The following RAB4A variants were observed in gnomAD, a reference collection of about 807,000 sequenced individuals.
The protein encoded by RAB4A is ras-related protein Rab-4A.
Under a neutral mutation model 34.5 loss-of-function variants are expected in RAB4A, and 20 were observed. The observed-to-expected ratio is 0.58, with a 90% CI of 0.41 to 0.84. The LOEUF is 0.84. Ranked by LOEUF, RAB4A falls within the 40% of genes least tolerant of loss-of-function variation. RAB4A has a pLI of 0.00. For synonymous variants in RAB4A, 102 were observed against 100.0 expected (o/e 1.02, Z -0.12); for missense variants, 228 against 274.5 (o/e 0.83, Z 1.20).
chr1:229,278,194 C>T (rs111745340), intron 1 of RAB4A, among the ~76,000 whole-genome samples: 1,549 of 152,290 alleles, frequency 0.01, 30 homozygotes, highest in African/African-American at 0.036. Context: ...ATGAGCTGCT[C>T]TCTCTTCAGA....
intron 3 of RAB4A, among the ~76,000 whole-genome samples, chr1:229,291,537 C>T (rs1657086048): frequency 1.3e-5 from 2 of 152,170 alleles, no homozygotes; most frequent in Admixed American, 1.3e-4. Flanking sequence ...AATTCAGTTT[C>T]CTAAACCTTT....
At chr1:229,298,950 CTT>C (rs776088780) in intron 5 of RAB4A, 25 bp from the exon 6 acceptor site, 2 of 1,533,516 alleles carry the variant, frequency 1.3e-6, no homozygotes, top group African/African-American at 2.8e-5. Flanking sequence ...CTAAACATGA[CTT>C]TATTTTGTTT....
At chr1:229,295,350 C>T (rs897528305) in intron 3 of RAB4A, among the ~76,000 whole-genome samples, 5 of 152,146 alleles carry the variant, frequency 3.3e-5, no homozygotes, top group Non-Finnish European at 7.4e-5. Context: ...TACTGGGACA[C>T]TCAGTTTTCC....
chr1:229,283,867 C>T (rs1656844889), intron 1 of RAB4A, among the ~76,000 whole-genome samples: 2 of 151,386 alleles, frequency 1.3e-5, no homozygotes, highest in South Asian at 4.2e-4. Context: ...GCTGGGATTA[C>T]AGGTGCTCAC....
rs114671672 is a variant in RAB4A, at chr1:229,288,036, C to T, written c.113-693C>T. ...ATTCAAATAGTACTAATTTCTCCAA[C>T]AAATTCATCCCAAATCATTTCCATA... is the stretch of plus-strand genomic sequence containing the variant. On this transcript the variant is annotated intron_variant, in intron 2 of 7. Transcript: ENST00000366690. Among the ~76,000 whole-genome samples, 978 of 152,290 alleles carry T rather than the reference C, an allele frequency of 6.4e-3. 13 individuals carry two copies. Among genetic ancestry groups the T allele is most frequent in the African/African-American group, 0.023 (936 of 41,558 alleles).
At chr1:229,291,961 GCAAGAAC>G (rs1657098208) in intron 3 of RAB4A, among the ~76,000 whole-genome samples, 4 of 150,638 alleles carry the variant, frequency 2.7e-5, no homozygotes, top group Non-Finnish European at 5.9e-5. Context: ...GTAAACTATC[GCAAGAAC>G]AAAAAACCAA....
chr1:229,303,272 T>C (rs1025852816), intron 7 of RAB4A, among the ~76,000 whole-genome samples: 1 of 151,660 alleles, frequency 6.6e-6, no homozygotes, highest in Admixed American at 6.6e-5. Context: ...CTTAGGAGAA[T>C]TGCTTGAGCC....
At chr1:229,275,815 G>T (rs576046075) in intron 1 of RAB4A, among the ~76,000 whole-genome samples, 1 of 151,148 alleles carries the variant, frequency 6.6e-6, no homozygotes, top group African/African-American at 2.4e-5. Context: ...TAGTAGAGGC[G>T]GGGTTTCACT....
chr1:229,297,753 G>A, intron 5 of RAB4A, 117 bp downstream of exon 5: 5 of 1,151,408 alleles, frequency 4.3e-6, no homozygotes, highest in South Asian at 1.8e-5. Flanking sequence ...TAGGAAATGT[G>A]GAATTTCCAA....
intron 4 of RAB4A, 123 bp downstream of exon 4, chr1:229,296,033 C>T: frequency 1.0e-6 from 1 of 957,452 alleles, no homozygotes; most frequent in South Asian, 1.6e-5. Flanking sequence ...GTGTGGCTGG[C>T]ATCCAGGAAG....
chr1:229,291,983 T>C (rs1016211922), intron 3 of RAB4A, among the ~76,000 whole-genome samples: 1 of 146,418 alleles, frequency 6.8e-6, no homozygotes, highest in African/African-American at 2.5e-5. Flanking sequence ...AACCAAACAC[T>C]GCATATTCTC....
intron 1 of RAB4A, among the ~76,000 whole-genome samples, chr1:229,273,517 A>T (rs1457918044): frequency 6.6e-6 from 1 of 152,234 alleles, no homozygotes; most frequent in Non-Finnish European, 1.5e-5. Flanking sequence ...AGTTGGGCGG[A>T]TCACTTGAGC....
chr1:229,283,329 C>T (rs1320706001), intron 1 of RAB4A, among the ~76,000 whole-genome samples: 1 of 152,234 alleles, frequency 6.6e-6, no homozygotes, highest in Non-Finnish European at 1.5e-5. Context: ...TCTCTGACAC[C>T]ATCTTTGTGG....
intron 1 of RAB4A, among the ~76,000 whole-genome samples, chr1:229,286,100 A>G (rs894025769): frequency 1.6e-4 from 25 of 152,254 alleles, no homozygotes; most frequent in Admixed American, 1.5e-3. Flanking sequence ...AGACTCTTCA[A>G]AGTCTACCAG....
chr1:229,278,923 C>T (rs1474046826), intron 1 of RAB4A, among the ~76,000 whole-genome samples: 2 of 152,168 alleles, frequency 1.3e-5, no homozygotes, highest in South Asian at 2.1e-4. Context: ...TTTTCATATT[C>T]GGCCCTTATA....
At chr1:229,282,789 TCTTCTAGTTCTTTGCTGAGA>T (rs1439885191) in intron 1 of RAB4A, among the ~76,000 whole-genome samples, 6 of 152,220 alleles carry the variant, frequency 3.9e-5, no homozygotes, top group Non-Finnish European at 7.3e-5. Context: ...CTTCTGTGTA[TCTTCTAGTTCTTTGCTGAGA>T]CTTCTAGTTC....
chr1:229,302,283 ATATATATATATATATATATATATATAT>A (rs1435488074), intron 6 of RAB4A, among the ~76,000 whole-genome samples: 13 of 19,912 alleles, frequency 6.5e-4, no homozygotes, highest in Non-Finnish European at 9.7e-4. Flanking sequence ...ATATATATAT[ATATATATATATATATATATATATATAT>A]TTTTTTTTTT....
Position 229,304,709 on chromosome 1 carries a change from T to C in RAB4A, c.*916T>C, listed in dbSNP as rs562025916. ...CATCACTGCCTGTTTTTCACATCTTTTGTTTCCTGTTCATTTTAAGGAAAC... is the reference window on the plus strand; with the variant it reads ...CATCACTGCCTGTTTTTCACATCTTCTGTTTCCTGTTCATTTTAAGGAAAC... On this transcript the variant is annotated 3_prime_UTR_variant, in exon 8 of 8. Coordinates refer to ENST00000366690, the MANE Select transcript of RAB4A (RefSeq NM_004578.4). 6.5e-6 allele frequency: 1 copy of C among 152,722 alleles called. No homozygotes were observed. The highest frequency in any genetic ancestry group is 2.1e-4 in the South Asian group (1 of 4,854). The allele number at this position is 152,722 out of a possible 1,614,324, so 9.5% of individuals were successfully genotyped here. A position where few individuals can be genotyped will look rare whatever the true frequency, so the allele number is the denominator to read the frequency against.
rs1306790784 is a variant in RAB4A, at chr1:229,302,292, TATATATA to T, written c.542-569_542-563del. ...ATATATATATATATATATATATATATATATATATATATATATATTTTTTTTTTTTTTT... is the reference window on the plus strand; with the variant it reads ...ATATATATATATATATATATATATATTATATATATATTTTTTTTTTTTTTT... On this transcript the variant is annotated intron_variant, in intron 6 of 7. Coordinates refer to ENST00000366690, the MANE Select transcript of RAB4A (RefSeq NM_004578.4). Among the ~76,000 whole-genome samples the T allele has an allele frequency of 4.8e-3, 121 of 24,980 alleles. 8 individuals carry two copies. Among genetic ancestry groups the T allele is most frequent in the African/African-American group, 0.023 (109 of 4,758 alleles). 16.4% of individuals were successfully genotyped at this position (24,980 alleles called of 152,430 possible).
Sources: allele counts gnomAD v4.1 joint callset (sites outside exome capture counted in the v4.1 genomes callset), GRCh38; gene constraint gnomAD v4.1.1; transcripts MANE v1.5; gene names NCBI Gene and HGNC (gene_info 2026-07-23, HGNC 2026-07-21).